The following PDE6B variants were observed in gnomAD, a reference collection of about 807,000 sequenced individuals.
PDE6B encodes the protein rod cGMP-specific 3',5'-cyclic phosphodiesterase subunit beta.
A neutral mutation model predicts 109.0 loss-of-function variants in PDE6B; 106 were observed. The ratio of observed to expected loss-of-function variants is 0.97; its 90% confidence interval spans 0.83 to 1.14. PDE6B has a LOEUF of 1.14. Among genes scored for constraint, PDE6B ranks in the 50% most tolerant of loss-of-function variants. PDE6B has a pLI of 0.00. For synonymous variants in PDE6B, 490 were observed against 471.3 expected (o/e 1.04, Z -0.51); for missense variants, 1,193 against 1,155.6 (o/e 1.03, Z -0.47).
At chr4:628,693 T>C (rs1734237103) in intron 1 of PDE6B, among the ~76,000 whole-genome samples, 1 of 152,118 alleles carries the variant, frequency 6.6e-6, no homozygotes, top group South Asian at 2.1e-4. Context: ...GGCCCTCCTG[T>C]CCCCAGGGGT....
Position 626,758 on chromosome 4 carries a change from T to C in PDE6B, c.468+664T>C, listed in dbSNP as rs1194026814. Among the ~76,000 whole-genome samples, 1 of 152,100 alleles carries C rather than the reference T, an allele frequency of 6.6e-6. No homozygotes were observed. Among genetic ancestry groups the C allele is most frequent in the African/African-American group, 2.4e-5 (1 of 41,420 alleles). Reference sequence around the variant, plus strand: ...CTGAAGGAGGGAAGGGCAGGGCCTGTTCATGCAAAGCCTGGGCTAGGGCAG... The same window carrying C: ...CTGAAGGAGGGAAGGGCAGGGCCTGCTCATGCAAAGCCTGGGCTAGGGCAG... On this transcript the variant is annotated intron_variant, in intron 1 of 21. Transcript: ENST00000496514. The surrounding 1 kb of genome is among the most constrained non-coding windows in gnomAD (Gnocchi z 4.6).
intron 3 of PDE6B, among the ~76,000 whole-genome samples, chr4:638,711 C>T (rs1488251120): frequency 1.3e-5 from 2 of 152,186 alleles, no homozygotes; most frequent in African/African-American, 4.8e-5. Flanking sequence ...CCATTGAGGG[C>T]CCCAATGAGG....
intron 20 of PDE6B, 119 bp from the exon 21 acceptor site, chr4:667,737 G>A (rs1466970968): frequency 3.4e-5 from 37 of 1,087,844 alleles, no homozygotes; most frequent in African/African-American, 6.2e-5. Context: ...CCTCCGTGGC[G>A]CTCCCTCCTC....
Position 626,029 on chromosome 4 carries a change from G to T in PDE6B, c.403G>T (p.Asp135Tyr). 6.3e-7 allele frequency: 1 copy of T among 1,595,558 alleles called. No individual in the cohort carries two copies. ...CGACTCCGAGATCGTCTTCCCACTGGACATCGGGGTCGTGGGCCACGTGGC... is the reference window on the plus strand; with the variant it reads ...CGACTCCGAGATCGTCTTCCCACTGTACATCGGGGTCGTGGGCCACGTGGC... ...PPDSEIVFPLDIGVVGHVAQT... is the reference protein window; with the variant it reads ...PPDSEIVFPLYIGVVGHVAQT... Residue 135 changes from aspartate (D) to tyrosine (Y), a missense_variant, in exon 1 of 22, where the codon GAC becomes TAC. Coordinates refer to ENST00000496514, the MANE Select transcript of PDE6B (RefSeq NM_000283.4). The surrounding 1 kb of genome is among the most constrained non-coding windows in gnomAD (Gnocchi z 4.6).
In PDE6B at chr4:636,023, A is replaced by G. The variant is rs1175897567; in HGVS notation, c.711+54A>G. ...CACGAGGGCCAGGGTCCCTCCGCCC[A>G]TCTCGCTGCCTGCACAGAGGCGGGT... On this transcript the variant is annotated intron_variant, in intron 3 of 21. Coordinates refer to ENST00000496514, the MANE Select transcript of PDE6B (RefSeq NM_000283.4). The surrounding 1 kb of genome is among the most constrained non-coding windows in gnomAD (Gnocchi z 4.5). 2 of 1,027,570 alleles carry G rather than the reference A, an allele frequency of 1.9e-6. No individual in the cohort carries two copies. The highest frequency in any genetic ancestry group is 1.3e-5 in the South Asian group (1 of 79,498). The allele number at this position is 1,027,570 out of a possible 1,614,324, so 63.7% of individuals were successfully genotyped here. A position where few individuals can be genotyped will look rare whatever the true frequency, so the allele number is the denominator to read the frequency against.
At chr4:642,725 CAAAAAAAA>C (rs71636506) in intron 3 of PDE6B, among the ~76,000 whole-genome samples, 5 of 43,336 alleles carry the variant, frequency 1.2e-4, no homozygotes, top group African/African-American at 4.7e-4. Flanking sequence ...GACACTGTCT[CAAAAAAAA>C]AAAAAAAAAA....
At chr4:642,743 A>AAAC (rs1735007556) in intron 3 of PDE6B, among the ~76,000 whole-genome samples, 1 of 151,470 alleles carries the variant, frequency 6.6e-6, no homozygotes, top group African/African-American at 2.4e-5. Flanking sequence ...AAAAAAAAAA[A>AAAC]AAAAAAAGAA....
At chr4:646,332 A>C (rs559781996) in intron 3 of PDE6B, among the ~76,000 whole-genome samples, 5 of 151,956 alleles carry the variant, frequency 3.3e-5, no homozygotes, top group African/African-American at 7.3e-5. Context: ...TTCTGATGAG[A>C]TGTTTCCAAC....
At position 654,836 on chromosome 4, in the gene PDE6B, T is replaced by C; in HGVS notation, c.940T>C (p.Tyr314His). 1 of 1,566,024 alleles carries C rather than the reference T, an allele frequency of 6.4e-7. No homozygotes were observed. The highest frequency in any genetic ancestry group is 8.8e-7 in the Non-Finnish European group (1 of 1,136,078). The stretch of plus-strand genomic sequence containing the variant: ...TTCTGCTTCTCAGGAAATTGTCTTC[T>C]ACAAAGTGATCGACTACGTCCTCCA... Reference protein sequence around the residue: ...RTPDGREIVFYKVIDYVLHGK... With the variant: ...RTPDGREIVFHKVIDYVLHGK... The change falls in exon 6 of 22, where the codon TAC becomes CAC. Residue 314 changes from tyrosine to histidine, a missense_variant. Transcript: ENST00000496514.
chr4:661,879 C>A, intron 12 of PDE6B: 2 of 532,970 alleles, frequency 3.8e-6, no homozygotes, highest in Admixed American at 6.3e-5. Context: ...CTGGGCGGCC[C>A]CTGAAGGCTG....
chr4:651,097 GGC>G (rs1268767034), intron 3 of PDE6B, among the ~76,000 whole-genome samples: 2 of 151,136 alleles, frequency 1.3e-5, no homozygotes, highest in South Asian at 2.1e-4. Context: ...TCACAGGCGG[GGC>G]AGGGGCTGAG....
Position 658,996 on chromosome 4 carries a change from G to C in PDE6B, c.1446G>C (p.Glu482Asp), listed in dbSNP as rs200443661. 1.9e-6 allele frequency: 3 copies of C among 1,613,510 alleles called. No individual in the cohort carries two copies. The highest frequency in any genetic ancestry group is 2.2e-5 in the East Asian group (1 of 44,876). ...RLGKEPADCD[E>D]DELGEILKEE... ...GGAAGGAGCCTGCTGACTGCGATGA[G>C]GACGAGCTGGGCGAAATCCTGGTAA... Residue 482 changes from glutamate (E) to aspartate (D), a missense_variant, in exon 11 of 22, where the codon GAG (glutamate) becomes GAC (aspartate). Physicochemically the swap from Glu to Asp is conservative, Grantham distance 45 (BLOSUM62 2). Coordinates refer to ENST00000496514, the MANE Select transcript of PDE6B (RefSeq NM_000283.4).
At chr4:653,393 T>C (rs982047927) in intron 3 of PDE6B, 27 of 1,036,850 alleles carry the variant, frequency 2.6e-5, no homozygotes, top group Non-Finnish European at 3.2e-5. Flanking sequence ...GAGTGGGGTC[T>C]GGCCAGGACC....
At chr4:667,168 C>T (rs530515166) in intron 20 of PDE6B, among the ~76,000 whole-genome samples, 1 of 152,240 alleles carries the variant, frequency 6.6e-6, no homozygotes, top group Admixed American at 6.5e-5. Context: ...GGGGTCTGAC[C>T]GTGGGGCCCT....
chr4:659,114 C>T (rs1736721206), intron 11 of PDE6B, 97 bp downstream of exon 11: 3 of 877,696 alleles, frequency 3.4e-6, no homozygotes, highest in Non-Finnish European at 5.7e-6. Context: ...GTGCTTTGCA[C>T]ACACGGTCAT....
chr4:648,832 T>A lies in PDE6B; in HGVS notation c.712-5020T>A, dbSNP rs1560112374. Among the ~76,000 whole-genome samples, 1 of 152,242 alleles carries A rather than the reference T, an allele frequency of 6.6e-6. No homozygotes were observed. Among genetic ancestry groups the A allele is most frequent in the Non-Finnish European group, 1.5e-5 (1 of 68,042 alleles). ...GCAGCTCTCACCTTCAGGCCGGCCA[T>A]GCGTCAGGACCCGGTGGCTCGCTGC... On this transcript the variant is annotated intron_variant, in intron 3 of 21. Coordinates refer to ENST00000496514, the MANE Select transcript of PDE6B (RefSeq NM_000283.4). This position sits in a 1 kb window ranked among gnomAD's most constrained non-coding sequence, Gnocchi z 4.5.
At chr4:654,940 G>C in intron 6 of PDE6B, 52 bp downstream of exon 6, 1 of 1,042,020 alleles carries the variant, frequency 9.6e-7, no homozygotes, top group South Asian at 1.3e-5. Context: ...CCGCCCCTCA[G>C]ACCCCGGCTC....
chr4:659,421 G>C (rs1736755892), intron 11 of PDE6B, among the ~76,000 whole-genome samples: 1 of 152,240 alleles, frequency 6.6e-6, no homozygotes, highest in African/African-American at 2.4e-5. Context: ...CAGTGTGTGT[G>C]CATCCGCATG....
Position 630,563 on chromosome 4 carries a change from G to A in PDE6B, c.469-4114G>A, listed in dbSNP as rs867479145. Among the ~76,000 whole-genome samples the A allele has an allele frequency of 2.0e-5, 3 of 152,300 alleles. No individual in the cohort carries two copies. The Middle Eastern group carries it at 0.01, about 518-fold the overall frequency. On this transcript the variant is annotated intron_variant, in intron 1 of 21. Coordinates refer to ENST00000496514, the MANE Select transcript of PDE6B (RefSeq NM_000283.4). ...GTTAGGGAAGCTGAGGAGGGCAGAG[G>A]GCAGAGTGCAAGCCAGGGTTTGGAG...
Sources: allele counts gnomAD v4.1 joint callset (sites outside exome capture counted in the v4.1 genomes callset), GRCh38; gene constraint gnomAD v4.1.1; non-coding constraint Gnocchi (gnomAD v3.1); transcripts MANE v1.5; gene names NCBI Gene and HGNC (gene_info 2026-07-23, HGNC 2026-07-21).